Variants in PRKAA2 observed in about 807,000 individuals in gnomAD.
PRKAA2 encodes protein kinase AMP-activated catalytic subunit alpha 2.
In PRKAA2, 40 loss-of-function variants were observed where a neutral mutation model predicts 56.3. The ratio of observed to expected loss-of-function variants is 0.71; its 90% CI spans 0.55 to 0.92. The LOEUF (loss-of-function observed/expected upper bound fraction) is 0.92, where lower values mean the gene tolerates loss of function less well. PRKAA2 is among the 40% of genes least tolerant of loss of function. The probability of loss-of-function intolerance (pLI) is 0.00; values close to 1 mark genes in which losing one functional copy is unlikely to be tolerated. For missense variants in PRKAA2, 542 were observed against 686.9 expected (o/e 0.79, Z 2.36); for synonymous variants, 214 against 234.2 (o/e 0.91, Z 0.79).
intron 2 of PRKAA2, among the ~76,000 whole-genome samples, chr1:56,675,103 G>T (rs1054317034): frequency 2.6e-5 from 4 of 151,974 alleles, no homozygotes; most frequent in Non-Finnish European, 4.4e-5. Context: ...AATAAGATAA[G>T]TAATTGAAAG....
intron 1 of PRKAA2, among the ~76,000 whole-genome samples, chr1:56,648,733 TTTA>T (rs1218660870): frequency 6.6e-6 from 1 of 152,214 alleles, no homozygotes; most frequent in African/African-American, 2.4e-5. Context: ...GTCTGCCTGA[TTTA>T]TTATAGCCAT....
intron 1 of PRKAA2, among the ~76,000 whole-genome samples, chr1:56,649,862 A>G (rs561315665): frequency 8.6e-4 from 131 of 152,298 alleles, no homozygotes; most frequent in African/African-American, 2.8e-3. Context: ...TGGGAGGCCG[A>G]GGTAGGTGGA....
rs986862120 is a variant in PRKAA2 at position 56,710,209 on chromosome 1, G to T, written c.*2496G>T. The T allele has an allele frequency of 6.6e-6, 1 of 152,050 alleles. No homozygotes were observed. The highest frequency in any genetic ancestry group is 1.5e-5 in the Non-Finnish European group (1 of 67,982). The allele number at this position is 152,050 out of a possible 1,614,324, so 9.4% of individuals were successfully genotyped here. A position where few individuals can be genotyped will look rare whatever the true frequency, so the allele number is the denominator to read the frequency against. On this transcript the variant is annotated 3_prime_UTR_variant, in exon 9 of 9. Transcript: ENST00000371244. ...ACGGGAGAAGAGCTTCTATTATGAG[G>T]TTATAGATAAGGCCTTAGTTATATC...
chr1:56,697,451 ATT>A (rs1188588887), intron 6 of PRKAA2, among the ~76,000 whole-genome samples: 1 of 151,992 alleles, frequency 6.6e-6, no homozygotes, highest in Non-Finnish European at 1.5e-5. Context: ...TTTATGTATC[ATT>A]TTCTTTTCCC....
rs557329533 is a variant in PRKAA2, at chr1:56,669,738, A to G, written c.95-4643A>G. 3.9e-5 allele frequency among the ~76,000 whole-genome samples: 6 copies of G among 152,304 alleles called. No individual in the cohort carries two copies. The South Asian group carries it at 1.2e-3, about 32-fold the overall frequency. ...AATGTTTGCATTATACATCTGGTGG[A>G]AAAAAAGTATATTCAGCATATAGTA... On this transcript the variant is annotated intron_variant, in intron 1 of 8. Coordinates refer to ENST00000371244, the MANE Select transcript of PRKAA2 (RefSeq NM_006252.4).
At chr1:56,680,656 G>T (rs1180068370) in intron 2 of PRKAA2, among the ~76,000 whole-genome samples, 2 of 152,062 alleles carry the variant, frequency 1.3e-5, no homozygotes, top group Non-Finnish European at 2.9e-5. Context: ...ATGGTTTCCA[G>T]CTTCATCCAT....
rs1406403063 is a variant in PRKAA2 at position 56,663,077 on chromosome 1, T to G, written c.95-11304T>G. ...GCCATGAACTCTGCTCTGTTTTTTG[T>G]TTGTTTGTTGTTTTTTGTTTGTTTG... On this transcript the variant is annotated intron_variant, in intron 1 of 8. Coordinates refer to ENST00000371244, the MANE Select transcript of PRKAA2 (RefSeq NM_006252.4). 2.6e-5 allele frequency among the ~76,000 whole-genome samples: 4 copies of G among 151,910 alleles called. No individual in the cohort carries two copies. In the East Asian group the frequency reaches 5.8e-4, roughly 22 times the overall value.
At chr1:56,653,508 C>T (rs1643916965) in intron 1 of PRKAA2, among the ~76,000 whole-genome samples, 1 of 151,982 alleles carries the variant, frequency 6.6e-6, no homozygotes, top group South Asian at 2.1e-4. Context: ...TGTCATAAAC[C>T]AGCTATGTGG....
intron 1 of PRKAA2, among the ~76,000 whole-genome samples, chr1:56,672,751 T>C (rs1317820894): frequency 1.3e-5 from 2 of 152,122 alleles, no homozygotes; most frequent in Non-Finnish European, 2.9e-5. Context: ...TGTTAATTAA[T>C]GGGTATTTTG....
chr1:56,658,085 T>A, intron 1 of PRKAA2, among the ~76,000 whole-genome samples: 1 of 152,186 alleles, frequency 6.6e-6, no homozygotes, highest in East Asian at 1.9e-4. Flanking sequence ...AAAACACAAA[T>A]TTTTATTAGA....
chr1:56,653,919 A>G (rs1191501972), intron 1 of PRKAA2, among the ~76,000 whole-genome samples: 2 of 152,128 alleles, frequency 1.3e-5, no homozygotes, highest in African/African-American at 4.8e-5. Flanking sequence ...TATGTATTCC[A>G]GATCCCATGG....
chr1:56,707,095 C>T (rs1196418847), intron 8 of PRKAA2, among the ~76,000 whole-genome samples: 1 of 152,150 alleles, frequency 6.6e-6, no homozygotes, highest in Non-Finnish European at 1.5e-5. Context: ...CTCCCCAAGG[C>T]AATATATGAT....
Position 56,711,334 on chromosome 1 carries a change from G to T in PRKAA2, c.*3621G>T, listed in dbSNP as rs926808710. 1.1e-4 allele frequency: 16 copies of T among 152,038 alleles called. No homozygotes were observed. The highest frequency in any genetic ancestry group is 2.7e-4 in the African/African-American group (11 of 41,380). 9.4% of individuals were successfully genotyped at this position (152,038 alleles called of 1,614,324 possible). A position where few individuals can be genotyped will look rare whatever the true frequency, so the allele number is the denominator to read the frequency against. On this transcript the variant is annotated 3_prime_UTR_variant, in exon 9 of 9. Coordinates refer to ENST00000371244, the MANE Select transcript of PRKAA2 (RefSeq NM_006252.4). ...TCATAAGCAACTATTGTAGATTTTTGATCTGTTTGGATTTATCTGTAGCAT... is the reference window on the plus strand; with the variant it reads ...TCATAAGCAACTATTGTAGATTTTTTATCTGTTTGGATTTATCTGTAGCAT...
rs111704022 is a variant in PRKAA2, at chr1:56,651,846, CT to C, written c.94+6379del. Among the ~76,000 whole-genome samples the C allele has an allele frequency of 5.6e-3, 793 of 142,408 alleles. 5 individuals are homozygous for C. The highest frequency in any genetic ancestry group is 0.013 in the African/African-American group (503 of 39,086). The allele number at this position is 142,408 out of a possible 152,430, so 93.4% of individuals were successfully genotyped here. On this transcript the variant is annotated intron_variant, in intron 1 of 8. Coordinates refer to ENST00000371244, the MANE Select transcript of PRKAA2 (RefSeq NM_006252.4). Reference sequence around the variant, plus strand: ...GTGTGTTTACTGATATGAAAGTAATCTTTTTTTTTTTTTTGAGACTAGTCTG... The same window carrying C: ...GTGTGTTTACTGATATGAAAGTAATCTTTTTTTTTTTTTGAGACTAGTCTG...
At chr1:56,661,899 GTT>G (rs11285472) in intron 1 of PRKAA2, among the ~76,000 whole-genome samples, 1 of 151,328 alleles carries the variant, frequency 6.6e-6, no homozygotes, top group Non-Finnish European at 1.5e-5. Flanking sequence ...AACCACAGGT[GTT>G]TTTTTTTCAC....
In PRKAA2 at chr1:56,703,960, G is replaced by A. The variant is rs764858182; in HGVS notation, c.789-11G>A. 5.0e-6 allele frequency: 8 copies of A among 1,588,730 alleles called. No individual in the cohort carries two copies. The highest frequency in any genetic ancestry group is 3.4e-5 in the Admixed American group (2 of 58,080). ...ATGTCTTACAATAATGTATTGTGGTGTTTTTCCTAGAGAGCATGAATGGTT... is the reference window on the plus strand; with the variant it reads ...ATGTCTTACAATAATGTATTGTGGTATTTTTCCTAGAGAGCATGAATGGTT... On this transcript the variant is annotated splice_polypyrimidine_tract_variant and intron_variant, in intron 6 of 8. Transcript: ENST00000371244.
At chr1:56,686,828 T>C (rs1004715273) in intron 2 of PRKAA2, among the ~76,000 whole-genome samples, 8 of 151,740 alleles carry the variant, frequency 5.3e-5, no homozygotes, top group African/African-American at 1.2e-4. Context: ...ATACAAACCA[T>C]ATTAATGTTC....
chr1:56,655,280 A>ATATATATATATATATTTTTTTTTTTTTT, intron 1 of PRKAA2, among the ~76,000 whole-genome samples: 1 of 93,680 alleles, frequency 1.1e-5, no homozygotes, highest in South Asian at 5.3e-4. Context: ...ATATATATAT[A>ATATATATATATATATTTTTTTTTTTTTT]TTTTTTTTTT....
At chr1:56,690,900 AT>A (rs1644225028) in intron 2 of PRKAA2, among the ~76,000 whole-genome samples, 1 of 152,054 alleles carries the variant, frequency 6.6e-6, no homozygotes, top group Non-Finnish European at 1.5e-5. Context: ...AAGATCAGTT[AT>A]TTTCTTTTCT....
Sources: gnomAD v4.1 joint callset for allele counts (sites outside exome capture counted in the v4.1 genomes callset) on GRCh38, gnomAD v4.1.1 for gene constraint, MANE v1.5 for transcripts, NCBI Gene and HGNC (gene_info 2026-07-23, HGNC 2026-07-21) for gene names.